DAPK2: variants seen among roughly 807,000 people sequenced by gnomAD.
DAPK2 encodes the protein death associated protein kinase 2.
DAPK2 carries 35 observed loss-of-function variants against 44.1 expected under a neutral mutation model. The ratio of observed to expected loss-of-function variants is 0.79; its 90% CI spans 0.61 to 1.05. DAPK2 has a LOEUF of 1.05. Ranked by LOEUF, DAPK2 falls within the 50% of genes least tolerant of loss-of-function variation. The pLI, the probability that DAPK2 is intolerant of heterozygous loss-of-function variation, is 0.00. For missense variants in DAPK2, 453 were observed against 483.2 expected (o/e 0.94, Z 0.59); for synonymous variants, 174 against 182.6 (o/e 0.95, Z 0.38).
chr15:64,039,388 C>CA (rs1369766200), intron 1 of DAPK2, among the ~76,000 whole-genome samples: 4 of 152,232 alleles, frequency 2.6e-5, no homozygotes, highest in Non-Finnish European at 5.9e-5. Flanking sequence ...CTATGTCACT[C>CA]ACTGGCTCAG....
At chr15:64,005,516 G>C (rs1048931358) in intron 1 of DAPK2, among the ~76,000 whole-genome samples, 1 of 151,958 alleles carries the variant, frequency 6.6e-6, no homozygotes, top group Non-Finnish European at 1.5e-5. Context: ...GCAACTCAGA[G>C]GGTGGGAGGA....
chr15:64,040,651 C>A (rs1164535728), upstream of DAPK2, among the ~76,000 whole-genome samples: 1 of 152,138 alleles, frequency 6.6e-6, no homozygotes, highest in African/African-American at 2.4e-5. Context: ...GTGCTCACAA[C>A]TGTAATCCCA....
At chr15:64,003,022 A>C (rs1555478497) in intron 1 of DAPK2, among the ~76,000 whole-genome samples, 1 of 78,270 alleles carries the variant, frequency 1.3e-5, no homozygotes, top group African/African-American at 4.3e-5. Flanking sequence ...GTGTCGTGGG[A>C]CCAGAGGTGG....
At chr15:63,991,607 C>T (rs1019738730) in intron 1 of DAPK2, among the ~76,000 whole-genome samples, 1 of 152,158 alleles carries the variant, frequency 6.6e-6, no homozygotes, top group Admixed American at 6.5e-5. Context: ...ACCGCCCCCA[C>T]CCATGAGGCC....
chr15:63,995,793 G>A (rs748972676), intron 1 of DAPK2, among the ~76,000 whole-genome samples: 59 of 152,232 alleles, frequency 3.9e-4, no homozygotes, highest in Non-Finnish European at 6.8e-4. Context: ...GCTGCAGAGC[G>A]TGCCTGGTGC....
intron 1 of DAPK2, among the ~76,000 whole-genome samples, chr15:64,032,986 T>C (rs766742475): frequency 2.0e-5 from 3 of 152,044 alleles, no homozygotes; most frequent in Non-Finnish European, 4.4e-5. Context: ...CTTGGGAGGC[T>C]GAGGCACGAG....
Position 63,966,974 on chromosome 15 carries a change from T to C in DAPK2, c.453+4449A>G, listed in dbSNP as rs773359405. 2.0e-5 allele frequency among the ~76,000 whole-genome samples: 3 copies of C among 152,056 alleles called. No individual in the cohort carries two copies. The highest frequency in any genetic ancestry group is 4.8e-5 in the African/African-American group (2 of 41,392). On this transcript the variant is annotated intron_variant, in intron 3 of 10. Transcript: ENST00000261891. This position sits in a 1 kb window ranked among gnomAD's most constrained non-coding sequence, Gnocchi z 5.5. ...GGTGGGCGGATCACGAGTCAGGAGA[T>C]GGAGACCATCCTGGCTAACATGGTG...
At chr15:63,930,996 C>G (rs1057325601) in intron 4 of DAPK2, among the ~76,000 whole-genome samples, 2 of 152,116 alleles carry the variant, frequency 1.3e-5, no homozygotes, top group Non-Finnish European at 2.9e-5. Flanking sequence ...CCTGGGAAGG[C>G]TGACGCTGCA....
chr15:63,992,300 A>G lies in DAPK2; in HGVS notation c.93-8546T>C, dbSNP rs185777058. Among the ~76,000 whole-genome samples, 6 of 152,258 alleles carry G rather than the reference A, an allele frequency of 3.9e-5. No individual in the cohort carries two copies. In the East Asian group the frequency reaches 7.7e-4, roughly 20 times the overall value. On this transcript the variant is annotated intron_variant, in intron 1 of 10. Transcript: ENST00000261891. Reference sequence around the variant, plus strand: ...AGAGTCTAGATTCTAGACACTAAACATGATGTAGGTTACTGAGGAAATGCT... The same window carrying G: ...AGAGTCTAGATTCTAGACACTAAACGTGATGTAGGTTACTGAGGAAATGCT...
chr15:64,029,675 C>G (rs1409040895), intron 1 of DAPK2: 1 of 152,294 alleles, frequency 6.6e-6, no homozygotes, highest in Non-Finnish European at 1.5e-5. Context: ...CCCCAACACA[C>G]AGTGGGTGCC....
At chr15:63,913,525 A>T (rs895447167) in intron 8 of DAPK2, among the ~76,000 whole-genome samples, 3 of 152,190 alleles carry the variant, frequency 2.0e-5, no homozygotes, top group African/African-American at 4.8e-5. Context: ...CTCTGCTCTG[A>T]CAGCCTTCCT....
chr15:63,987,116 G>A (rs547439011), intron 1 of DAPK2, among the ~76,000 whole-genome samples: 2 of 152,126 alleles, frequency 1.3e-5, no homozygotes, highest in South Asian at 2.1e-4. Flanking sequence ...TCTAGCTTTC[G>A]GAGGATAACA....
intron 10 of DAPK2, chr15:63,909,755 TG>T: frequency 6.6e-6 from 1 of 151,714 alleles, no homozygotes; most frequent in East Asian, 1.9e-4. Context: ...CGAGCTGAGA[TG>T]GTGCCACTGC....
At chr15:63,983,896 T>C (rs2078600801) in intron 1 of DAPK2, 142 bp from the exon 3 acceptor site, 2 of 769,590 alleles carry the variant, frequency 2.6e-6, no homozygotes, top group Admixed American at 4.4e-5. Flanking sequence ...CATCCCCACC[T>C]GATGACAACC....
chr15:64,028,119 C>A (rs556928392), intron 1 of DAPK2, among the ~76,000 whole-genome samples: 2 of 152,056 alleles, frequency 1.3e-5, no homozygotes, highest in African/African-American at 4.8e-5. Context: ...AGTGCAGTGG[C>A]GCTATCTCAG....
At chr15:63,927,743 ATTT>A (rs56346248) in intron 6 of DAPK2, among the ~76,000 whole-genome samples, 19 of 146,458 alleles carry the variant, frequency 1.3e-4, no homozygotes, top group African/African-American at 2.8e-4. Flanking sequence ...CTGGGATTCC[ATTT>A]TTTTTTTTTT....
chr15:64,041,994 G>T (rs1341106113), upstream of DAPK2, among the ~76,000 whole-genome samples: 1 of 152,182 alleles, frequency 6.6e-6, no homozygotes, highest in Non-Finnish European at 1.5e-5. Context: ...GAGCAAGCAT[G>T]AAATAGTGAA....
chr15:63,965,016 T>C (rs899430929), intron 3 of DAPK2, among the ~76,000 whole-genome samples: 1 of 152,232 alleles, frequency 6.6e-6, no homozygotes. Flanking sequence ...TGGACGTTTA[T>C]TGATGTCTGG....
intron 1 of DAPK2, among the ~76,000 whole-genome samples, chr15:64,021,868 GGCTTGGACTAAGCAGCTAGAGAGGAGAAA>G (rs1234866663): frequency 1.3e-5 from 2 of 152,200 alleles, no homozygotes; most frequent in Admixed American, 1.3e-4. Flanking sequence ...CTTATAAAAA[GGCTTGGACTAAGCAGCTAGAGAGGAGAAA>G]GCTTGGAAGT....
Sources: gnomAD v4.1 joint callset for allele counts (sites outside exome capture counted in the v4.1 genomes callset) on GRCh38, gnomAD v4.1.1 for gene constraint, Gnocchi (gnomAD v3.1) non-coding constraint, MANE v1.5 for transcripts, NCBI Gene and HGNC (gene_info 2026-07-23, HGNC 2026-07-21) for gene names.